The following MLLT3 variants were observed in gnomAD, a reference collection of about 807,000 sequenced individuals.
MLLT3 encodes the protein protein AF-9.
MLLT3 carries 4 observed loss-of-function variants against 53.2 expected under a neutral mutation model. The ratio of observed to expected loss-of-function variants is 0.08; its 90% CI spans 0.04 to 0.17. The LOEUF (loss-of-function observed/expected upper bound fraction) is 0.17, where lower values mean the gene tolerates loss of function less well. Among genes scored for constraint, MLLT3 ranks in the 10% least tolerant of loss-of-function variants. MLLT3 has a pLI of 1.00. For synonymous variants in MLLT3, 283 were observed against 230.6 expected (o/e 1.23, Z -2.06); for missense variants, 569 against 684.0 (o/e 0.83, Z 1.87).
intron 5 of MLLT3, among the ~76,000 whole-genome samples, chr9:20,378,222 A>G (rs1821820324): frequency 6.6e-6 from 1 of 152,044 alleles, no homozygotes; most frequent in Non-Finnish European, 1.5e-5. Context: ...ATAATTTGGA[A>G]ATGTACATAC....
chr9:20,462,611 G>A (rs905093099), intron 2 of MLLT3, among the ~76,000 whole-genome samples: 1 of 151,894 alleles, frequency 6.6e-6, no homozygotes, highest in African/African-American at 2.4e-5. Flanking sequence ...AGAGCCTTCT[G>A]CCAATACTCA....
intron 2 of MLLT3, among the ~76,000 whole-genome samples, chr9:20,545,027 C>T (rs1387814424): frequency 7.2e-6 from 1 of 138,224 alleles, no homozygotes; most frequent in African/African-American, 2.7e-5. Context: ...CACAGGAGCT[C>T]GAGGTTACAG....
intron 2 of MLLT3, among the ~76,000 whole-genome samples, chr9:20,612,377 A>G (rs1182405351): frequency 2.0e-5 from 3 of 152,178 alleles, no homozygotes; most frequent in African/African-American, 4.8e-5. Context: ...CTTTCACTGT[A>G]TCCTACATAT....
intron 2 of MLLT3, among the ~76,000 whole-genome samples, chr9:20,569,569 T>C (rs759040251): frequency 2.0e-5 from 3 of 152,202 alleles, no homozygotes; most frequent in South Asian, 2.1e-4. Flanking sequence ...AACATACTTA[T>C]AATATGCTTG....
rs995670967 is a variant in MLLT3 at position 20,365,755 on chromosome 9, G to T, written c.1126-11C>A. On this transcript the variant is annotated splice_polypyrimidine_tract_variant and intron_variant, in intron 5 of 10. Coordinates refer to ENST00000380338, the MANE Select transcript of MLLT3 (RefSeq NM_004529.4). ...ACTGGGTTGTTCAGACTTTAAAGAAGAATAAAAAGGCACCATCAATAAATT... is the reference window on the plus strand; with the variant it reads ...ACTGGGTTGTTCAGACTTTAAAGAATAATAAAAAGGCACCATCAATAAATT... The T allele has an allele frequency of 6.2e-7, 1 of 1,613,720 alleles. No individual in the cohort carries two copies. Among genetic ancestry groups the T allele is most frequent in the African/African-American group, 1.3e-5 (1 of 74,874 alleles).
At chr9:20,362,965 C>T (rs770408029) in intron 7 of MLLT3, 5 of 152,164 alleles carry the variant, frequency 3.3e-5, no homozygotes, top group Non-Finnish European at 7.3e-5. Context: ...TGGAATTATG[C>T]CTCACAGCAT....
intron 2 of MLLT3, among the ~76,000 whole-genome samples, chr9:20,535,591 G>T (rs1009090769): frequency 4.6e-5 from 7 of 152,094 alleles, no homozygotes; most frequent in Admixed American, 4.6e-4. Context: ...CAAAAAAATA[G>T]TTACTGAAAG....
chr9:20,447,304 A>T (rs945037926), intron 4 of MLLT3, among the ~76,000 whole-genome samples: 1 of 152,218 alleles, frequency 6.6e-6, no homozygotes, highest in Non-Finnish European at 1.5e-5. Flanking sequence ...AAAACTGCAC[A>T]AAAACCTTCC....
chr9:20,522,676 T>G (rs1051354838), intron 2 of MLLT3, among the ~76,000 whole-genome samples: 21 of 113,934 alleles, frequency 1.8e-4, no homozygotes, highest in African/African-American at 6.8e-4. Flanking sequence ...ATAAAAACAG[T>G]TGTTTTTTTT....
intron 2 of MLLT3, among the ~76,000 whole-genome samples, chr9:20,558,443 G>T (rs1485358276): frequency 6.6e-6 from 1 of 152,002 alleles, no homozygotes; most frequent in Non-Finnish European, 1.5e-5. Flanking sequence ...ACCCAACCAG[G>T]AAGCATCTTT....
chr9:20,396,542 G>A lies in MLLT3; in HGVS notation c.1125+17179C>T, dbSNP rs115391057. Among the ~76,000 whole-genome samples the A allele has an allele frequency of 5.8e-3, 877 of 152,170 alleles. 12 individuals carry two copies. Among genetic ancestry groups the A allele is most frequent in the African/African-American group, 0.02 (842 of 41,506 alleles). On this transcript the variant is annotated intron_variant, in intron 5 of 10. Transcript: ENST00000380338. Reference sequence around the variant, plus strand: ...TTCTGGGGTGTTAGTTTTTCAATTGGTTTATAAAACACAGTTTGTGTTCCT... The same window carrying A: ...TTCTGGGGTGTTAGTTTTTCAATTGATTTATAAAACACAGTTTGTGTTCCT...
rs564017157 is a variant in MLLT3, at chr9:20,372,883, T to C, written c.1126-7139A>G. On this transcript the variant is annotated intron_variant, in intron 5 of 10. Coordinates refer to ENST00000380338, the MANE Select transcript of MLLT3 (RefSeq NM_004529.4). Reference sequence around the variant, plus strand: ...CAAGGTATATTTTAATAAGGTAATATATACTGTCACACTTAATAGATTACC... The same window carrying C: ...CAAGGTATATTTTAATAAGGTAATACATACTGTCACACTTAATAGATTACC... 4.6e-5 allele frequency among the ~76,000 whole-genome samples: 7 copies of C among 152,302 alleles called. No individual in the cohort carries two copies. In the East Asian group the frequency reaches 1.4e-3, roughly 29 times the overall value.
intron 2 of MLLT3, among the ~76,000 whole-genome samples, chr9:20,502,673 G>A (rs938128599): frequency 2.3e-4 from 35 of 152,284 alleles, no homozygotes; most frequent in African/African-American, 7.0e-4. Flanking sequence ...AATGTGCATA[G>A]GTTATATGCA....
intron 2 of MLLT3, among the ~76,000 whole-genome samples, chr9:20,602,810 C>T (rs1156601599): frequency 6.7e-6 from 1 of 150,234 alleles, no homozygotes; most frequent in Non-Finnish European, 1.5e-5. Context: ...CATATGCACA[C>T]ATATATTTAT....
chr9:20,424,745 A>C (rs950971419), intron 4 of MLLT3, among the ~76,000 whole-genome samples: 1 of 152,208 alleles, frequency 6.6e-6, no homozygotes, highest in African/African-American at 2.4e-5. Context: ...CAACTTTTGG[A>C]AACTAATCTA....
intron 2 of MLLT3, among the ~76,000 whole-genome samples, 191 bp from the exon 3 acceptor site, chr9:20,456,977 T>C (rs958427069): frequency 6.6e-6 from 1 of 152,180 alleles, no homozygotes; most frequent in South Asian, 2.1e-4. Context: ...ATTGCTCTTA[T>C]GTAAAGCAGA....
At chr9:20,370,656 G>A (rs765426064) in intron 5 of MLLT3, among the ~76,000 whole-genome samples, 2 of 152,026 alleles carry the variant, frequency 1.3e-5, no homozygotes, top group African/African-American at 2.4e-5. Context: ...GATTACAGGT[G>A]TGCACCAACA....
At chr9:20,433,310 A>T (rs1177075797) in intron 4 of MLLT3, among the ~76,000 whole-genome samples, 1 of 152,238 alleles carries the variant, frequency 6.6e-6, no homozygotes, top group African/African-American at 2.4e-5. Flanking sequence ...AGTCAGGAAA[A>T]TTAAATTATC....
intron 2 of MLLT3, among the ~76,000 whole-genome samples, chr9:20,485,011 C>G (rs1824771639): frequency 6.7e-6 from 1 of 150,294 alleles, no homozygotes; most frequent in Middle Eastern, 3.2e-3. Flanking sequence ...TTTTTTGAGA[C>G]AGAGTGTCTC....
Sources: allele counts gnomAD v4.1 joint callset (sites outside exome capture counted in the v4.1 genomes callset), GRCh38; gene constraint gnomAD v4.1.1; transcripts MANE v1.5; gene names NCBI Gene and HGNC (gene_info 2026-07-23, HGNC 2026-07-21).